LPIN2: variants seen among roughly 807,000 people sequenced by gnomAD.
LPIN2 encodes phosphatidate phosphatase LPIN2.
LPIN2 carries 55 observed loss-of-function variants against 111.4 expected under a neutral mutation model. The ratio of observed to expected loss-of-function variants is 0.49; its 90% CI spans 0.40 to 0.62. The LOEUF is 0.62. Ranked by LOEUF, LPIN2 falls within the 20% of genes least tolerant of loss-of-function variation. LPIN2 has a pLI of 0.00. For missense variants in LPIN2, 992 were observed against 1,112.1 expected (o/e 0.89, Z 1.54); for synonymous variants, 425 against 414.0 (o/e 1.03, Z -0.32).
chr18:2,954,905 A>C (rs1030817836), intron 2 of LPIN2, among the ~76,000 whole-genome samples: 1 of 152,210 alleles, frequency 6.6e-6, no homozygotes, highest in Non-Finnish European at 1.5e-5. Flanking sequence ...AAACATTTGC[A>C]CACTTTCCAA....
At chr18:2,984,633 G>A (rs2078161171) in intron 1 of LPIN2, among the ~76,000 whole-genome samples, 1 of 152,020 alleles carries the variant, frequency 6.6e-6, no homozygotes, top group Admixed American at 6.6e-5. Flanking sequence ...TAGAAGAGAT[G>A]AGAAAATATT....
At chr18:2,927,180 T>G (rs1209270699) in intron 12 of LPIN2, among the ~76,000 whole-genome samples, 1 of 152,190 alleles carries the variant, frequency 6.6e-6, no homozygotes, top group Non-Finnish European at 1.5e-5. Context: ...ATGAACTTGG[T>G]TCAGGCAAGA....
Position 2,940,505 on chromosome 18 carries a change from TGAGA to T in LPIN2, c.698+96_698+99del, listed in dbSNP as rs910384168. 6.1e-5 allele frequency: 44 copies of T among 717,806 alleles called. 2 individuals carry two copies. Among genetic ancestry groups the T allele is most frequent in the Non-Finnish European group, 1.0e-4 (41 of 402,356 alleles). The allele number at this position is 717,806 out of a possible 1,614,324, so 44.5% of individuals were successfully genotyped here. A position where few individuals can be genotyped will look rare whatever the true frequency, so the allele number is the denominator to read the frequency against. ...GTAAACATTCAGTTCCTTGGCTGTG[TGAGA>T]GAAATGGGAAATATCATTACTACAG... is the stretch of plus-strand genomic sequence containing the variant. On this transcript the variant is annotated intron_variant, in intron 5 of 19. Coordinates refer to ENST00000677752, the MANE Select transcript of LPIN2 (RefSeq NM_001375808.2).
In LPIN2 at chr18:2,941,128, A is replaced by G. The variant is rs559852876; in HGVS notation, c.591-416T>C. Among the ~76,000 whole-genome samples, 3 of 152,354 alleles carry G rather than the reference A, an allele frequency of 2.0e-5. No homozygotes were observed. The South Asian group carries it at 6.2e-4, about 32-fold the overall frequency. ...AAAAAGATAGGAAGTAGTTGGATTC[A>G]AAACAAGTAAGCCCTTATTCTTTCC... On this transcript the variant is annotated intron_variant, in intron 4 of 19. Transcript: ENST00000677752.
intron 1 of LPIN2, among the ~76,000 whole-genome samples, chr18:2,994,196 C>A (rs1348963143): frequency 1.3e-5 from 2 of 152,228 alleles, no homozygotes; most frequent in African/African-American, 4.8e-5. Context: ...GGGTCCTGCA[C>A]TTTAGAAGGC....
rs969984712 is a variant in LPIN2 at position 2,925,004 on chromosome 18, A to T, written c.1938+220T>A. On this transcript the variant is annotated intron_variant, in intron 14 of 19. Coordinates refer to ENST00000677752, the MANE Select transcript of LPIN2 (RefSeq NM_001375808.2). The surrounding 1 kb of genome is among the most constrained non-coding windows in gnomAD (Gnocchi z 4.1). Reference sequence around the variant, plus strand: ...CTGACTCTCAAGAGATGGAGGAAGGAGGTCTGGGGTGGGTGGCAGGACCCA... The same window carrying T: ...CTGACTCTCAAGAGATGGAGGAAGGTGGTCTGGGGTGGGTGGCAGGACCCA... Among the ~76,000 whole-genome samples, 2 of 151,882 alleles carry T rather than the reference A, an allele frequency of 1.3e-5. No homozygotes were observed. The highest frequency in any genetic ancestry group is 6.6e-5 in the Admixed American group (1 of 15,248).
At chr18:3,012,425 G>A in intron 1 of LPIN2, among the ~76,000 whole-genome samples, 1 of 152,342 alleles carries the variant, frequency 6.6e-6, no homozygotes, top group East Asian at 1.9e-4. Context: ...CGTTAGAAGT[G>A]GACAGAGAGG....
intron 1 of LPIN2, among the ~76,000 whole-genome samples, chr18:2,962,054 T>C (rs1267490754): frequency 6.6e-6 from 1 of 152,232 alleles, no homozygotes; most frequent in Non-Finnish European, 1.5e-5. Context: ...GAAAGAATGC[T>C]GTCTTCTTGG....
intron 1 of LPIN2, among the ~76,000 whole-genome samples, chr18:2,967,226 C>A (rs1228079994): frequency 6.6e-6 from 1 of 152,190 alleles, no homozygotes; most frequent in Admixed American, 6.5e-5. Flanking sequence ...AGGGTCCCAA[C>A]TTTCTCCACT....
intron 1 of LPIN2, among the ~76,000 whole-genome samples, chr18:2,970,214 G>T (rs971436464): frequency 2.6e-5 from 4 of 152,210 alleles, no homozygotes; most frequent in African/African-American, 9.6e-5. Context: ...GCAATGGCTA[G>T]ATCTGAAGGT....
chr18:2,927,030 C>T lies in LPIN2; in HGVS notation c.1711-225G>A, dbSNP rs1452645164. Among the ~76,000 whole-genome samples the T allele has an allele frequency of 2.0e-5, 3 of 152,152 alleles. No homozygotes were observed. In the East Asian group the frequency reaches 5.8e-4, roughly 29 times the overall value. ...TGTCCCTACAGACCCAGAAGGAAAACATTTTAAGAGCACCATTTCAAGTCA... is the reference window on the plus strand; with the variant it reads ...TGTCCCTACAGACCCAGAAGGAAAATATTTTAAGAGCACCATTTCAAGTCA... On this transcript the variant is annotated intron_variant, in intron 12 of 19. Coordinates refer to ENST00000677752, the MANE Select transcript of LPIN2 (RefSeq NM_001375808.2).
Position 2,938,001 on chromosome 18 carries a change from T to TC in LPIN2, c.858dup (p.Thr287AspfsTer18). On this transcript the variant is annotated frameshift_variant, in exon 7 of 20. Coordinates refer to ENST00000677752, the MANE Select transcript of LPIN2 (RefSeq NM_001375808.2). LOFTEE classifies it high-confidence loss of function. ...TTTTCTGATGGTGTAATTGTAGCTG[T>TC]CCTAGGATGATGGTCAGATCGTTCT... is the stretch of plus-strand genomic sequence containing the variant. The TC allele has an allele frequency of 6.2e-7, 1 of 1,614,140 alleles. No homozygotes were observed. Among genetic ancestry groups the TC allele is most frequent in the Non-Finnish European group, 8.5e-7 (1 of 1,180,022 alleles).
intron 10 of LPIN2, 104 bp from the exon 11 acceptor site, chr18:2,928,764 T>G: frequency 9.2e-6 from 8 of 872,552 alleles, no homozygotes; most frequent in Non-Finnish European, 1.3e-5. Flanking sequence ...CATATAAAAT[T>G]GCTTATTCTT....
chr18:2,943,990 G>C (rs544637137), intron 4 of LPIN2, among the ~76,000 whole-genome samples: 74 of 152,116 alleles, frequency 4.9e-4, no homozygotes, highest in Admixed American at 3.6e-3. Flanking sequence ...AAAGACTCAA[G>C]GGGTTTGGGA....
intron 1 of LPIN2, among the ~76,000 whole-genome samples, chr18:2,988,178 T>C (rs577315966): frequency 6.6e-6 from 1 of 152,236 alleles, no homozygotes; most frequent in Non-Finnish European, 1.5e-5. Flanking sequence ...TTCTGGTTCT[T>C]TTTCAAACTT....
chr18:2,980,367 A>G (rs1258006679), intron 1 of LPIN2, among the ~76,000 whole-genome samples: 2 of 152,298 alleles, frequency 1.3e-5, no homozygotes, highest in South Asian at 2.1e-4. Context: ...GAACACAGTT[A>G]GTTTTAGACT....
chr18:2,928,665 G>A lies in LPIN2; in HGVS notation c.1551-5C>T. On this transcript the variant is annotated splice_region_variant and splice_polypyrimidine_tract_variant and intron_variant, in intron 10 of 19. Coordinates refer to ENST00000677752, the MANE Select transcript of LPIN2 (RefSeq NM_001375808.2). The stretch of plus-strand genomic sequence containing the variant: ...GCCAAAGCCCAGTTATAGTAACTGT[G>A]AGAAACAAAAATTGTGCAAAACCAT... 6.2e-7 allele frequency: 1 copy of A among 1,605,832 alleles called. No homozygotes were observed. Among genetic ancestry groups the A allele is most frequent in the Non-Finnish European group, 8.5e-7 (1 of 1,174,630 alleles).
At chr18:2,928,552 G>C (rs373503045) in intron 11 of LPIN2, 39 bp downstream of exon 11, 2 of 1,593,676 alleles carry the variant, frequency 1.3e-6, no homozygotes, top group Non-Finnish European at 8.6e-7. Flanking sequence ...AGACACTGCG[G>C]ATGCTTTCGG....
chr18:2,996,108 A>G (rs2078336801), intron 1 of LPIN2, among the ~76,000 whole-genome samples: 1 of 152,160 alleles, frequency 6.6e-6, no homozygotes, highest in Non-Finnish European at 1.5e-5. Context: ...TGGGAGGCCG[A>G]GGCGGGCGGA....
Sources: allele counts gnomAD v4.1 joint callset (sites outside exome capture counted in the v4.1 genomes callset), GRCh38; gene constraint gnomAD v4.1.1; non-coding constraint Gnocchi (gnomAD v3.1); transcripts MANE v1.5; gene names NCBI Gene and HGNC (gene_info 2026-07-23, HGNC 2026-07-21).